Variants in SLCO2A1 observed in about 807,000 individuals in gnomAD.
The protein encoded by SLCO2A1 is matrin F/G 1.
A neutral mutation model predicts 71.7 loss-of-function variants in SLCO2A1; 60 were observed. The observed-to-expected ratio is 0.84, with a 90% CI of 0.68 to 1.04. The LOEUF is 1.04. Ranked by LOEUF, SLCO2A1 falls within the 50% of genes least tolerant of loss-of-function variation. SLCO2A1 has a pLI of 0.00. For missense variants in SLCO2A1, 745 were observed against 813.4 expected (o/e 0.92, Z 1.02); for synonymous variants, 308 against 326.7 (o/e 0.94, Z 0.62).
intron 3 of SLCO2A1, among the ~76,000 whole-genome samples, chr3:133,963,865 G>A (rs1310298031): frequency 6.6e-6 from 1 of 152,172 alleles, no homozygotes; most frequent in Non-Finnish European, 1.5e-5. Context: ...AGTTCCTCCT[G>A]AAACTCTGGC....
chr3:133,990,984 C>A (rs1360116704), intron 1 of SLCO2A1, among the ~76,000 whole-genome samples: 1 of 152,062 alleles, frequency 6.6e-6, no homozygotes, highest in East Asian at 1.9e-4. Context: ...GGGGCAAAGG[C>A]CTGTAATACC....
At chr3:134,011,841 T>C (rs1280458701) in intron 1 of SLCO2A1, among the ~76,000 whole-genome samples, 1 of 152,170 alleles carries the variant, frequency 6.6e-6, no homozygotes, top group Non-Finnish European at 1.5e-5. Flanking sequence ...CCATGAAAGC[T>C]TCCAAAGTTG....
intron 5 of SLCO2A1, among the ~76,000 whole-genome samples, chr3:133,952,399 A>G (rs1291828289): frequency 6.6e-6 from 1 of 152,182 alleles, no homozygotes; most frequent in Non-Finnish European, 1.5e-5. Context: ...CAGTGGTGGG[A>G]GTGCTCTTCC....
At chr3:134,012,390 C>T (rs146686487) in intron 1 of SLCO2A1, among the ~76,000 whole-genome samples, 277 of 152,274 alleles carry the variant, frequency 1.8e-3, no homozygotes, top group African/African-American at 6.5e-3. Context: ...AAACCTGGTA[C>T]ATGCCTGGGG....
intron 1 of SLCO2A1, among the ~76,000 whole-genome samples, chr3:133,993,083 G>A (rs555523702): frequency 3.3e-5 from 5 of 152,272 alleles, no homozygotes; most frequent in Middle Eastern, 3.4e-3. Flanking sequence ...AGATGCTGCC[G>A]TGGGGCCCAC....
At chr3:133,981,872 G>C (rs1179920895) in intron 1 of SLCO2A1, among the ~76,000 whole-genome samples, 1 of 151,842 alleles carries the variant, frequency 6.6e-6, no homozygotes, top group East Asian at 1.9e-4. Flanking sequence ...CTACTCAAGA[G>C]GCTGAAGCAG....
intron 10 of SLCO2A1, 80 bp from the exon 11 acceptor site, chr3:133,942,848 C>T: frequency 7.1e-6 from 10 of 1,404,764 alleles, no homozygotes; most frequent in Non-Finnish European, 9.6e-6. Flanking sequence ...TGCACCAGCT[C>T]TTGTTGGAGA....
chr3:134,025,458 C>T lies in SLCO2A1; in HGVS notation c.96+4249G>A, dbSNP rs1935684045. Reference sequence around the variant, plus strand: ...GATATGAGTAAAGTGCTAGCCAAAACAGAAGAAAAAGGGGTGCCCAAACGA... The same window carrying T: ...GATATGAGTAAAGTGCTAGCCAAAATAGAAGAAAAAGGGGTGCCCAAACGA... On this transcript the variant is annotated intron_variant, in intron 1 of 13. Coordinates refer to ENST00000310926, the MANE Select transcript of SLCO2A1 (RefSeq NM_005630.3). 2.0e-5 allele frequency among the ~76,000 whole-genome samples: 3 copies of T among 151,996 alleles called. No homozygotes were observed. The South Asian group carries it at 6.3e-4, about 32-fold the overall frequency.
intron 1 of SLCO2A1, among the ~76,000 whole-genome samples, chr3:133,983,277 T>C (rs1305095196): frequency 6.6e-6 from 1 of 152,146 alleles, no homozygotes; most frequent in Non-Finnish European, 1.5e-5. Flanking sequence ...AGGCCACATG[T>C]TAATGTTCCA....
intron 1 of SLCO2A1, among the ~76,000 whole-genome samples, chr3:134,023,033 T>C (rs148609589): frequency 0.039 from 5,936 of 152,166 alleles, 277 homozygotes; most frequent in African/African-American, 0.097. Flanking sequence ...CACGTTCTCA[T>C]CAAAGGGTGG....
At chr3:133,996,652 C>T (rs1175147010) in intron 1 of SLCO2A1, among the ~76,000 whole-genome samples, 1 of 152,198 alleles carries the variant, frequency 6.6e-6, no homozygotes, top group African/African-American at 2.4e-5. Context: ...CTGGCATTCC[C>T]CTGCCTGCCG....
At chr3:133,963,653 G>A (rs1559937753) in intron 3 of SLCO2A1, among the ~76,000 whole-genome samples, 2 of 152,198 alleles carry the variant, frequency 1.3e-5, no homozygotes, top group Admixed American at 6.5e-5. Context: ...GGGTCAAATG[G>A]GGAAGAGGTT....
chr3:133,965,844 T>C lies in SLCO2A1; in HGVS notation c.397+7819A>G, dbSNP rs1934153139. ...GAAGCAAAGGCTCTGGGCTATGTGA[T>C]GGCTGTTTCCACCACTGTGGACTGA... On this transcript the variant is annotated intron_variant, in intron 3 of 13. Transcript: ENST00000310926. Among the ~76,000 whole-genome samples, 3 of 152,164 alleles carry C rather than the reference T, an allele frequency of 2.0e-5. No homozygotes were observed. In the South Asian group the frequency reaches 6.2e-4, roughly 32 times the overall value.
chr3:134,015,289 A>C (rs1935423975), intron 1 of SLCO2A1, among the ~76,000 whole-genome samples: 1 of 152,234 alleles, frequency 6.6e-6, no homozygotes, highest in South Asian at 2.1e-4. Flanking sequence ...CAGTTGCTGC[A>C]ACATGGATAA....
At chr3:134,006,737 G>C (rs1935225312) in intron 1 of SLCO2A1, among the ~76,000 whole-genome samples, 1 of 152,092 alleles carries the variant, frequency 6.6e-6, no homozygotes, top group South Asian at 2.1e-4. Flanking sequence ...TGGACATCTG[G>C]GTTATTTCCA....
At chr3:134,003,815 C>A (rs1264914101) in intron 1 of SLCO2A1, among the ~76,000 whole-genome samples, 1 of 152,118 alleles carries the variant, frequency 6.6e-6, no homozygotes, top group Non-Finnish European at 1.5e-5. Flanking sequence ...AATTAAAATA[C>A]ATAATCAGTT....
chr3:133,988,543 A>G (rs931490642), intron 1 of SLCO2A1, among the ~76,000 whole-genome samples: 2 of 152,226 alleles, frequency 1.3e-5, no homozygotes, highest in South Asian at 2.1e-4. Context: ...TGTTCTCAGG[A>G]CTTACTGAGG....
intron 2 of SLCO2A1, among the ~76,000 whole-genome samples, chr3:133,974,258 G>T (rs1172583418): frequency 6.6e-6 from 1 of 152,128 alleles, no homozygotes; most frequent in East Asian, 1.9e-4. Flanking sequence ...GTTTAATTAG[G>T]TACAAATTAA....
chr3:133,953,454 C>A (rs1163177365), intron 5 of SLCO2A1, among the ~76,000 whole-genome samples: 4 of 152,254 alleles, frequency 2.6e-5, no homozygotes, highest in Non-Finnish European at 5.9e-5. Context: ...CAGCTTGTTC[C>A]TCACAGTGGC....
Sources: allele counts gnomAD v4.1 joint callset (sites outside exome capture counted in the v4.1 genomes callset), GRCh38; gene constraint gnomAD v4.1.1; transcripts MANE v1.5; gene names NCBI Gene and HGNC (gene_info 2026-07-23, HGNC 2026-07-21).